ZMIZ1: variants seen among roughly 807,000 people sequenced by gnomAD.
ZMIZ1 encodes zinc finger MIZ-type containing 1.
ZMIZ1 carries 17 observed loss-of-function variants against 113.9 expected under a neutral mutation model. The ratio of observed to expected loss-of-function variants is 0.15; its 90% confidence interval spans 0.10 to 0.22. ZMIZ1 has a LOEUF of 0.22. ZMIZ1 is among the 10% of genes least tolerant of loss of function. The pLI, the probability that ZMIZ1 is intolerant of heterozygous loss-of-function variation, is 1.00. For synonymous variants in ZMIZ1, 607 were observed against 603.1 expected (o/e 1.01, Z -0.09); for missense variants, 1,059 against 1,477.8 (o/e 0.72, Z 4.65).
At chr10:79,072,116 G>C (rs1207918034) in intron 1 of ZMIZ1, among the ~76,000 whole-genome samples, 1 of 152,158 alleles carries the variant, frequency 6.6e-6, no homozygotes, top group Non-Finnish European at 1.5e-5. Context: ...TGCAGAAAAG[G>C]GTTGCTGGCT....
intron 1 of ZMIZ1, among the ~76,000 whole-genome samples, chr10:79,096,224 G>A (rs1564647696): frequency 6.6e-6 from 1 of 152,148 alleles, no homozygotes; most frequent in Non-Finnish European, 1.5e-5. Context: ...GAAATGAGAT[G>A]TCTAGGCTGG....
chr10:79,141,552 C>T (rs1417337285), intron 3 of ZMIZ1, among the ~76,000 whole-genome samples: 2 of 152,126 alleles, frequency 1.3e-5, no homozygotes, highest in Non-Finnish European at 2.9e-5. Flanking sequence ...GGACTACAGG[C>T]ACACACCATC....
intron 10 of ZMIZ1, 103 bp from the exon 11 acceptor site, chr10:79,292,055 G>C: frequency 1.7e-6 from 2 of 1,194,050 alleles, no homozygotes; most frequent in Non-Finnish European, 2.4e-6. Flanking sequence ...TCCCCTCTAG[G>C]TTCTGGGTAC....
chr10:79,109,769 C>T (rs1843674699), intron 1 of ZMIZ1, among the ~76,000 whole-genome samples: 1 of 152,252 alleles, frequency 6.6e-6, no homozygotes, highest in South Asian at 2.1e-4. Context: ...GCCCCTCTGC[C>T]TCTCCCATCA....
intron 7 of ZMIZ1, among the ~76,000 whole-genome samples, chr10:79,253,574 G>A (rs1238061420): frequency 6.6e-6 from 1 of 152,188 alleles, no homozygotes; most frequent in African/African-American, 2.4e-5. Context: ...TGGGAACTGA[G>A]GGTCAGGGAG....
chr10:79,181,647 C>A (rs1350610854), intron 4 of ZMIZ1, among the ~76,000 whole-genome samples: 1 of 152,216 alleles, frequency 6.6e-6, no homozygotes, highest in Non-Finnish European at 1.5e-5. Flanking sequence ...GTCCTCTAGG[C>A]CCTGGCTGTC....
intron 3 of ZMIZ1, among the ~76,000 whole-genome samples, chr10:79,146,198 C>T (rs764414754): frequency 6.6e-6 from 1 of 152,180 alleles, no homozygotes; most frequent in Non-Finnish European, 1.5e-5. Context: ...CAGCCTTCCT[C>T]CCCTAGAGCA....
intron 4 of ZMIZ1, among the ~76,000 whole-genome samples, chr10:79,192,145 G>T (rs1412757842): frequency 6.6e-6 from 1 of 152,216 alleles, no homozygotes; most frequent in Non-Finnish European, 1.5e-5. Context: ...TGGCAGGGGG[G>T]TTTGGCCTCA....
At chr10:79,146,754 G>A (rs1002035988) in intron 3 of ZMIZ1, among the ~76,000 whole-genome samples, 14 of 152,268 alleles carry the variant, frequency 9.2e-5, no homozygotes, top group Non-Finnish European at 7.4e-5. Context: ...CTCTGCTCCC[G>A]CTTCCGCCCC....
intron 1 of ZMIZ1, among the ~76,000 whole-genome samples, chr10:79,112,741 A>G (rs1843800085): frequency 6.6e-6 from 1 of 152,192 alleles, no homozygotes; most frequent in African/African-American, 2.4e-5. Flanking sequence ...AACCAGGCAA[A>G]ATAGAGCAGC....
At chr10:79,283,176 T>C (rs899860900) in intron 8 of ZMIZ1, among the ~76,000 whole-genome samples, 1 of 152,202 alleles carries the variant, frequency 6.6e-6, no homozygotes, top group African/African-American at 2.4e-5. Flanking sequence ...CCTTCCTCCT[T>C]CTTATAGGTG....
chr10:79,160,153 C>T (rs889881673), intron 3 of ZMIZ1, among the ~76,000 whole-genome samples: 1 of 152,248 alleles, frequency 6.6e-6, no homozygotes, highest in African/African-American at 2.4e-5. Context: ...CTGCATGACC[C>T]CAGATGAGGG....
rs1464493784 is a variant in ZMIZ1 at position 79,297,662 on chromosome 10, G to A, written c.1463G>A (p.Ser488Asn). ...QNNTFSGSSY[S>N]NYSQGNVNRP... is the part of the protein sequence containing the mutation. ...AACACGTTCTCGGGAAGCAGCTACAGTAACTACAGCCAAGGGAATGTCAAC... is the reference window on the plus strand; with the variant it reads ...AACACGTTCTCGGGAAGCAGCTACAATAACTACAGCCAAGGGAATGTCAAC... Residue 488 changes from serine (S) to asparagine (N), a missense_variant, in exon 14 of 25, where the codon AGT (serine) becomes AAT (asparagine). Coordinates refer to ENST00000334512, the MANE Select transcript of ZMIZ1 (RefSeq NM_020338.4). The A allele has an allele frequency of 6.2e-6, 10 of 1,614,000 alleles. No individual in the cohort carries two copies. The highest frequency in any genetic ancestry group is 4.0e-5 in the African/African-American group (3 of 74,936).
At chr10:79,139,318 C>A (rs190119937) in intron 2 of ZMIZ1, among the ~76,000 whole-genome samples, 1 of 152,142 alleles carries the variant, frequency 6.6e-6, no homozygotes, top group African/African-American at 2.4e-5. Flanking sequence ...TTTGTACACC[C>A]GGCTAAAAAT....
At chr10:79,226,821 G>C (rs1322256386) in intron 7 of ZMIZ1, among the ~76,000 whole-genome samples, 3 of 152,196 alleles carry the variant, frequency 2.0e-5, no homozygotes, top group African/African-American at 7.2e-5. Flanking sequence ...GTTATCATCA[G>C]TTTTGCCTCT....
intron 10 of ZMIZ1, among the ~76,000 whole-genome samples, 188 bp from the exon 11 acceptor site, chr10:79,291,970 A>C (rs1853522351): frequency 6.6e-6 from 1 of 152,208 alleles, no homozygotes; most frequent in Non-Finnish European, 1.5e-5. Context: ...GGCACCCCCA[A>C]GGGCTCCAGG....
Position 79,314,395 on chromosome 10 carries a change from T to C in ZMIZ1, c.*1646T>C. On this transcript the variant is annotated 3_prime_UTR_variant, in exon 25 of 25. Transcript: ENST00000334512. ...TCCTCTGTGGGTTTTACCGGAAAGG[T>C]GGCCCCAGCTGTTGACTTCCAGTCA... The C allele has an allele frequency of 5.3e-6, 2 of 374,598 alleles. No homozygotes were observed. Among genetic ancestry groups the C allele is most frequent in the Non-Finnish European group, 1.1e-5 (2 of 186,562 alleles). 23.2% of individuals were successfully genotyped at this position (374,598 alleles called of 1,614,324 possible). A position where few individuals can be genotyped will look rare whatever the true frequency, so the allele number is the denominator to read the frequency against.
In ZMIZ1 at chr10:79,256,906, G is replaced by A. The variant is rs148176184; in HGVS notation, c.281-20275G>A. 2.1e-4 allele frequency among the ~76,000 whole-genome samples: 32 copies of A among 152,344 alleles called. 1 individual carries two copies. The highest frequency in any genetic ancestry group is 7.2e-4 in the African/African-American group (30 of 41,582). On this transcript the variant is annotated intron_variant, in intron 7 of 24. Transcript: ENST00000334512. The stretch of plus-strand genomic sequence containing the variant: ...TTTCCATTAAGAAAATAAAAAAGAG[G>A]TGGGGAGACCTGAGGGGTGACATGG...
chr10:79,097,801 CCT>C (rs1843221998), intron 1 of ZMIZ1, among the ~76,000 whole-genome samples: 1 of 151,950 alleles, frequency 6.6e-6, no homozygotes, highest in Non-Finnish European at 1.5e-5. Flanking sequence ...CTTCATGGCA[CCT>C]CTCTGTGGGC....
Sources: gnomAD v4.1 joint callset for allele counts (sites outside exome capture counted in the v4.1 genomes callset) on GRCh38, gnomAD v4.1.1 for gene constraint, MANE v1.5 for transcripts, NCBI Gene and HGNC (gene_info 2026-07-23, HGNC 2026-07-21) for gene names.